Variants in ZMYND11 observed in about 807,000 individuals in gnomAD.
The protein encoded by ZMYND11 is zinc finger MYND-type containing 11.
In ZMYND11, 9 loss-of-function variants were observed where a neutral mutation model predicts 84.9. The observed-to-expected ratio is 0.11, with a 90% confidence interval of 0.06 to 0.18. The LOEUF is 0.18. Among genes scored for constraint, ZMYND11 ranks in the 10% least tolerant of loss-of-function variants. The pLI is 1.00. For synonymous variants in ZMYND11, 250 were observed against 244.1 expected (o/e 1.02, Z -0.23); for missense variants, 409 against 761.0 (o/e 0.54, Z 5.44).
chr10:150,270 A>G (rs562278932), intron 1 of ZMYND11, among the ~76,000 whole-genome samples: 3 of 152,226 alleles, frequency 2.0e-5, no homozygotes, highest in Non-Finnish European at 4.4e-5. Context: ...TAAGCTATTA[A>G]TTATTGCCTC....
intron 1 of ZMYND11, among the ~76,000 whole-genome samples, chr10:152,601 A>C (rs1045149699): frequency 6.6e-6 from 1 of 152,236 alleles, no homozygotes; most frequent in African/African-American, 2.4e-5. Context: ...ACACTCCCGC[A>C]CAATAATAAT....
intron 1 of ZMYND11, among the ~76,000 whole-genome samples, chr10:171,920 G>C (rs1181392573): frequency 6.6e-6 from 1 of 152,132 alleles, no homozygotes; most frequent in Non-Finnish European, 1.5e-5. Flanking sequence ...ACCACAGACT[G>C]GGTAATTTAT....
At chr10:193,929 G>T (rs1329668109) in intron 2 of ZMYND11, among the ~76,000 whole-genome samples, 2 of 152,112 alleles carry the variant, frequency 1.3e-5, no homozygotes, top group Non-Finnish European at 2.9e-5. Flanking sequence ...GTATTTCATT[G>T]TGTGGATATA....
rs76661161 is a variant in ZMYND11 at position 144,283 on chromosome 10, A to G, written c.-20+8724A>G. Among the ~76,000 whole-genome samples, 1,239 of 152,286 alleles carry G rather than the reference A, an allele frequency of 8.1e-3. 9 individuals carry two copies. Among genetic ancestry groups the G allele is most frequent in the Non-Finnish European group, 0.012 (833 of 68,036 alleles). ...GCCCAGGCTGGAGTGCAGTAGCACC[A>G]TAACTGCTCACTGCAGCCTTGATTT... is the stretch of plus-strand genomic sequence containing the variant. On this transcript the variant is annotated intron_variant, in intron 1 of 14. Transcript: ENST00000381604.
chr10:228,284 A>T (rs2448377), intron 4 of ZMYND11, among the ~76,000 whole-genome samples: 1 of 152,182 alleles, frequency 6.6e-6, no homozygotes, highest in Non-Finnish European at 1.5e-5. Context: ...TGACTGTGAA[A>T]TGTTTTGTAT....
At chr10:185,028 C>T (rs1937811478) in intron 2 of ZMYND11, among the ~76,000 whole-genome samples, 1 of 152,172 alleles carries the variant, frequency 6.6e-6, no homozygotes, top group East Asian at 1.9e-4. Flanking sequence ...ACTGTGACTG[C>T]TTAATTTTGA....
At chr10:221,537 G>A (rs1947136989) in intron 4 of ZMYND11, among the ~76,000 whole-genome samples, 181 bp downstream of exon 4, 1 of 152,164 alleles carries the variant, frequency 6.6e-6, no homozygotes, top group Non-Finnish European at 1.5e-5. Context: ...CCGTATTTCA[G>A]GGTGTGGATT....
In ZMYND11 at chr10:240,879, C is replaced by CTTTTCT. The variant is rs1216599841; in HGVS notation, c.754-8_754-3dup. 4.4e-6 allele frequency: 7 copies of CTTTTCT among 1,607,544 alleles called. No homozygotes were observed. Among genetic ancestry groups the CTTTTCT allele is most frequent in the Non-Finnish European group, 4.2e-6 (5 of 1,176,660 alleles). On this transcript the variant is annotated splice_polypyrimidine_tract_variant and intron_variant, in intron 8 of 14. Coordinates refer to ENST00000381604, the MANE Select transcript of ZMYND11 (RefSeq NM_001370100.5). ...TATTTTATGTAGGCTAAAGTAGTTT[C>CTTTTCT]TTTTCTTTTTCAGCTGGATGAACTG...
chr10:232,351 T>G (rs747143126), intron 4 of ZMYND11, among the ~76,000 whole-genome samples: 76 of 152,328 alleles, frequency 5.0e-4, no homozygotes, highest in African/African-American at 1.7e-3. Flanking sequence ...GTTGATTTCT[T>G]TTGTGAAATA....
intron 3 of ZMYND11, among the ~76,000 whole-genome samples, chr10:212,769 G>C (rs1242453541): frequency 6.6e-6 from 1 of 152,018 alleles, no homozygotes; most frequent in Non-Finnish European, 1.5e-5. Flanking sequence ...ATATAATATA[G>C]TAAAAGCACA....
chr10:158,378 T>TTTCTATTA (rs574534221), intron 1 of ZMYND11, among the ~76,000 whole-genome samples: 206 of 152,026 alleles, frequency 1.4e-3, no homozygotes, highest in Non-Finnish European at 2.4e-3. Flanking sequence ...ATTGTACCAG[T>TTTCTATTA]TTCTATTATT....
chr10:172,014 G>A (rs1429907094), intron 1 of ZMYND11, among the ~76,000 whole-genome samples: 2 of 152,184 alleles, frequency 1.3e-5, no homozygotes, highest in Admixed American at 6.5e-5. Flanking sequence ...GTCTGGTAAG[G>A]GTTACTCTGC....
At chr10:242,339 TAACTGACACTGTTGA>T (rs1349392873) in intron 10 of ZMYND11, among the ~76,000 whole-genome samples, 200 bp downstream of exon 10, 1 of 152,184 alleles carries the variant, frequency 6.6e-6, no homozygotes, top group Non-Finnish European at 1.5e-5. Context: ...GAATTTTTAA[TAACTGACACTGTTGA>T]ACTTCAGAAG....
At chr10:184,621 T>C (rs2130790138) in intron 2 of ZMYND11, among the ~76,000 whole-genome samples, 1 of 152,330 alleles carries the variant, frequency 6.6e-6, no homozygotes, top group South Asian at 2.1e-4. Context: ...TCTCATGTGT[T>C]GAGACCGTAG....
At chr10:188,065 C>T (rs1010515962) in intron 2 of ZMYND11, among the ~76,000 whole-genome samples, 2 of 152,078 alleles carry the variant, frequency 1.3e-5, no homozygotes, top group Admixed American at 6.5e-5. Flanking sequence ...TCTGTAAATG[C>T]TAAATTATAG....
At chr10:174,061 C>T (rs1845994164) in intron 1 of ZMYND11, among the ~76,000 whole-genome samples, 1 of 152,132 alleles carries the variant, frequency 6.6e-6, no homozygotes, top group Non-Finnish European at 1.5e-5. Context: ...TTGGTATTTA[C>T]CCTTATGAAT....
chr10:184,369 C>G (rs1848496439), intron 2 of ZMYND11, among the ~76,000 whole-genome samples: 1 of 152,212 alleles, frequency 6.6e-6, no homozygotes, highest in Middle Eastern at 3.4e-3. Context: ...TTCCTGTCTT[C>G]TGTATTTGTA....
intron 3 of ZMYND11, among the ~76,000 whole-genome samples, chr10:214,106 A>G (rs1196062059): frequency 6.6e-6 from 1 of 152,164 alleles, no homozygotes; most frequent in Non-Finnish European, 1.5e-5. Context: ...TGCTGATCTC[A>G]GCCACCGTTT....
At chr10:171,221 A>T (rs1845236913) in intron 1 of ZMYND11, among the ~76,000 whole-genome samples, 1 of 152,178 alleles carries the variant, frequency 6.6e-6, no homozygotes, top group Admixed American at 6.6e-5. Context: ...CCACTACTAT[A>T]GTTGGAGATA....
Sources: gnomAD v4.1 joint callset for allele counts (sites outside exome capture counted in the v4.1 genomes callset) on GRCh38, gnomAD v4.1.1 for gene constraint, MANE v1.5 for transcripts, NCBI Gene and HGNC (gene_info 2026-07-23, HGNC 2026-07-21) for gene names.